Variants in NTRK2 observed in about 807,000 individuals in gnomAD.
The protein encoded by NTRK2 is BDNF/NT-3 growth factors receptor.
Under a neutral mutation model 94.5 loss-of-function variants are expected in NTRK2, and 13 were observed. That is an observed-to-expected ratio of 0.14 (90% CI 0.09 to 0.22). The LOEUF (loss-of-function observed/expected upper bound fraction) is 0.22. NTRK2 is among the 10% of genes least tolerant of loss of function. The pLI is 1.00. For synonymous variants in NTRK2, 372 were observed against 407.4 expected, an observed-to-expected ratio of 0.91 and a Z score of 1.05; for missense variants, 639 against 1,071.2, an observed-to-expected ratio of 0.60 and a Z score of 5.63.
intron 12 of NTRK2, among the ~76,000 whole-genome samples, chr9:84,833,776 C>A (rs1019245950): frequency 6.6e-6 from 1 of 152,112 alleles, no homozygotes; most frequent in Non-Finnish European, 1.5e-5. Flanking sequence ...CCTTGATAAC[C>A]CAAATCAAGT....
intron 12 of NTRK2, among the ~76,000 whole-genome samples, chr9:84,817,147 C>A (rs559580546): frequency 6.6e-6 from 1 of 152,164 alleles, no homozygotes; most frequent in Non-Finnish European, 1.5e-5. Flanking sequence ...GTGGGACACT[C>A]GGTATTGCTA....
intron 14 of NTRK2, among the ~76,000 whole-genome samples, chr9:84,903,813 G>A (rs1395803585): frequency 6.6e-6 from 1 of 151,592 alleles, no homozygotes; most frequent in African/African-American, 2.4e-5. Flanking sequence ...ACTGTAATAG[G>A]GAAATGCTTC....
chr9:84,880,415 C>A (rs2076219569), intron 14 of NTRK2, among the ~76,000 whole-genome samples: 3 of 152,178 alleles, frequency 2.0e-5, no homozygotes, highest in Admixed American at 6.5e-5. Context: ...AGCCTTGATG[C>A]GAATCTTATG....
At chr9:84,676,279 C>T (rs148025416) in intron 2 of NTRK2, among the ~76,000 whole-genome samples, 107 of 152,316 alleles carry the variant, frequency 7.0e-4, no homozygotes, top group African/African-American at 2.4e-3. Flanking sequence ...GAAGTGTATA[C>T]ATCAGCTGTG....
chr9:84,930,225 A>G (rs2077974020), intron 14 of NTRK2, among the ~76,000 whole-genome samples: 1 of 152,184 alleles, frequency 6.6e-6, no homozygotes, highest in African/African-American at 2.4e-5. Context: ...AAACCTTTGG[A>G]TGTCTGGCCT....
At chr9:84,824,853 T>G (rs1302946912) in intron 12 of NTRK2, among the ~76,000 whole-genome samples, 1 of 152,102 alleles carries the variant, frequency 6.6e-6, no homozygotes, top group Non-Finnish European at 1.5e-5. Context: ...GGTTTTAATT[T>G]GGAGATACAC....
At chr9:84,886,837 G>A (rs2076430252) in intron 14 of NTRK2, among the ~76,000 whole-genome samples, 2 of 152,210 alleles carry the variant, frequency 1.3e-5, no homozygotes, top group Admixed American at 6.5e-5. Flanking sequence ...AAAGGAGACA[G>A]AGCAAGCCAG....
At chr9:84,870,125 A>ATATATC (rs2075780791) in intron 14 of NTRK2, among the ~76,000 whole-genome samples, 1 of 135,260 alleles carries the variant, frequency 7.4e-6, no homozygotes. Context: ...ATATATATAT[A>ATATATC]TACACACACA....
intron 18 of NTRK2, among the ~76,000 whole-genome samples, chr9:85,020,726 A>G (rs1221017609): frequency 6.6e-6 from 1 of 152,186 alleles, no homozygotes; most frequent in East Asian, 1.9e-4. Context: ...TTCCTTTTTG[A>G]ATATTTCACC....
intron 9 of NTRK2, among the ~76,000 whole-genome samples, chr9:84,738,209 A>C (rs1412392665): frequency 6.6e-6 from 1 of 151,592 alleles, no homozygotes; most frequent in Non-Finnish European, 1.5e-5. Flanking sequence ...CACTACTAGG[A>C]TAGCACTCAA....
chr9:84,965,757 A>G (rs1825482428), intron 17 of NTRK2, among the ~76,000 whole-genome samples: 1 of 152,176 alleles, frequency 6.6e-6, no homozygotes, highest in Non-Finnish European at 1.5e-5. Context: ...AAGTCTTTCA[A>G]AATGAAGATG....
intron 2 of NTRK2, among the ~76,000 whole-genome samples, chr9:84,682,800 G>A (rs914762024): frequency 9.9e-5 from 15 of 152,280 alleles, no homozygotes; most frequent in African/African-American, 2.4e-4. Flanking sequence ...CATCTTGGTC[G>A]TTTTTCACTT....
chr9:84,971,698 A>G (rs975732513), intron 17 of NTRK2, among the ~76,000 whole-genome samples: 2 of 152,216 alleles, frequency 1.3e-5, no homozygotes, highest in Non-Finnish European at 2.9e-5. Context: ...GCTCTCAGAA[A>G]GAGGTAGGGC....
intron 12 of NTRK2, chr9:84,811,404 G>C: frequency 9.4e-7 from 1 of 1,066,116 alleles, no homozygotes. Context: ...GTCAATTTCA[G>C]AATAACTAAG....
chr9:84,783,476 G>T (rs2067811798), intron 12 of NTRK2, among the ~76,000 whole-genome samples: 1 of 152,134 alleles, frequency 6.6e-6, no homozygotes, highest in Non-Finnish European at 1.5e-5. Flanking sequence ...TTCACTTTCA[G>T]ATATGTGTCT....
intron 17 of NTRK2, among the ~76,000 whole-genome samples, chr9:84,992,840 G>A (rs1829259157): frequency 6.6e-6 from 1 of 151,754 alleles, no homozygotes; most frequent in African/African-American, 2.4e-5. Flanking sequence ...TGAGAACAGG[G>A]GACCTCTGTG....
chr9:84,734,867 G>T (rs528531755), intron 9 of NTRK2, among the ~76,000 whole-genome samples: 1 of 152,222 alleles, frequency 6.6e-6, no homozygotes, highest in African/African-American at 2.4e-5. Flanking sequence ...AGCCCTTTAA[G>T]GAGAAAATTA....
At chr9:84,770,417 T>C (rs1326732726) in intron 12 of NTRK2, among the ~76,000 whole-genome samples, 1 of 152,180 alleles carries the variant, frequency 6.6e-6, no homozygotes, top group Non-Finnish European at 1.5e-5. Flanking sequence ...AGATTTCACC[T>C]GAAGTTGCAA....
At chr9:84,801,432 CAACTTAGAATTTTTT>C (rs2070439151) in intron 12 of NTRK2, among the ~76,000 whole-genome samples, 1 of 152,166 alleles carries the variant, frequency 6.6e-6, no homozygotes, top group South Asian at 2.1e-4. Context: ...TAGGATGGTT[CAACTTAGAATTTTTT>C]AACTTTATGA....
Sources: gnomAD v4.1 joint callset for allele counts (sites outside exome capture counted in the v4.1 genomes callset) on GRCh38, gnomAD v4.1.1 for gene constraint, MANE v1.5 for transcripts, NCBI Gene and HGNC (gene_info 2026-07-23, HGNC 2026-07-21) for gene names.